The following SHQ1 variants were observed in gnomAD, a reference collection of about 807,000 sequenced individuals.
The protein encoded by SHQ1 is protein SHQ1 homolog.
Under a neutral mutation model 53.8 loss-of-function variants are expected in SHQ1, and 49 were observed. The ratio of observed to expected loss-of-function variants is 0.91; its 90% CI spans 0.72 to 1.16. The LOEUF is 1.16. Ranked by LOEUF, SHQ1 falls within the 50% of genes most tolerant of loss-of-function variation. The pLI, the probability that SHQ1 is intolerant of heterozygous loss-of-function variation, is 0.00. For missense variants in SHQ1, 738 were observed against 683.1 expected (o/e 1.08, Z -0.90); for synonymous variants, 243 against 251.0 (o/e 0.97, Z 0.30).
At chr3:72,736,826 C>T in the SHQ1 span, among the ~76,000 whole-genome samples, 1 of 148,744 alleles carries the variant, frequency 6.7e-6, no homozygotes, top group Non-Finnish European at 1.5e-5. Context: ...AAAAGATCCT[C>T]AGTTTGCAGG....
In SHQ1 at chr3:72,755,794, A is replaced by G. The variant is rs184099110; in HGVS notation, c.1182-4958T>C. On this transcript the variant is annotated intron_variant, in intron 10 of 10. Coordinates refer to ENST00000325599, the MANE Select transcript of SHQ1 (RefSeq NM_018130.3). Reference sequence around the variant, plus strand: ...AGAAAGCAGCTCACTTAAGGTAGGTAGTAGTTTTTCTCTGTCGTACTCAAA... The same window carrying G: ...AGAAAGCAGCTCACTTAAGGTAGGTGGTAGTTTTTCTCTGTCGTACTCAAA... 2.7e-3 allele frequency among the ~76,000 whole-genome samples: 412 copies of G among 152,358 alleles called. 2 individuals are homozygous for G. Among genetic ancestry groups the G allele is most frequent in the Non-Finnish European group, 4.9e-3 (336 of 68,042 alleles).
At chr3:72,804,323 G>A (rs1053279663) in intron 9 of SHQ1, among the ~76,000 whole-genome samples, 1 of 152,010 alleles carries the variant, frequency 6.6e-6, no homozygotes, top group African/African-American at 2.4e-5. Context: ...AGGTATGTGT[G>A]TCATGGTGGT....
At chr3:72,765,546 TA>T (rs1705703989) in intron 10 of SHQ1, among the ~76,000 whole-genome samples, 7 of 98,502 alleles carry the variant, frequency 7.1e-5, no homozygotes, top group African/African-American at 3.8e-4. Context: ...TATATATATA[TA>T]TATATATATA....
chr3:72,777,466 G>A (rs1705982303), intron 10 of SHQ1, among the ~76,000 whole-genome samples: 1 of 152,132 alleles, frequency 6.6e-6, no homozygotes, highest in South Asian at 2.1e-4. Flanking sequence ...CTAGTAATTA[G>A]GAAAATGCAA....
At chr3:72,810,337 T>C (rs985211755) in intron 9 of SHQ1, among the ~76,000 whole-genome samples, 3 of 152,180 alleles carry the variant, frequency 2.0e-5, no homozygotes, top group Non-Finnish European at 4.4e-5. Flanking sequence ...AATGCAAACC[T>C]GAAAAGAGCC....
At chr3:72,778,566 T>C (rs1706007063) in intron 10 of SHQ1, among the ~76,000 whole-genome samples, 1 of 152,256 alleles carries the variant, frequency 6.6e-6, no homozygotes, top group African/African-American at 2.4e-5. Context: ...TTGCATAATT[T>C]GTATACACTT....
At position 72,812,786 on chromosome 3, in the gene SHQ1, A is replaced by G; in HGVS notation, c.945T>C (p.Thr315=). The change falls in exon 9 of 11, where the codon ACT becomes ACC. Residue 315 remains threonine (T), a synonymous_variant. Transcript: ENST00000325599. ...SPTLCWFETW[T]NVHDIMVSFG... is the part of the protein sequence containing the mutation. Reference sequence around the variant, plus strand: ...AAGACACCATGATATCATGAACGTTAGTCCAAGTCTGTGAAGTGTCATTTT... The same window carrying G: ...AAGACACCATGATATCATGAACGTTGGTCCAAGTCTGTGAAGTGTCATTTT... The G allele has an allele frequency of 1.9e-6, 3 of 1,614,024 alleles. No homozygotes were observed. The highest frequency in any genetic ancestry group is 2.5e-6 in the Non-Finnish European group (3 of 1,179,958).
chr3:72,793,114 A>G (rs541820371), intron 9 of SHQ1, 78 bp from the exon 10 acceptor site: 1 of 1,276,640 alleles, frequency 7.8e-7, no homozygotes, highest in African/African-American at 1.5e-5. Context: ...TATCTAAAGC[A>G]GCTCAGAATC....
intron 9 of SHQ1, among the ~76,000 whole-genome samples, chr3:72,801,217 T>C (rs1341032916): frequency 6.6e-6 from 1 of 152,160 alleles, no homozygotes; most frequent in East Asian, 1.9e-4. Flanking sequence ...AAAAAGCTCT[T>C]TGAAACAGCT....
chr3:72,845,996 T>C (rs947814682), intron 1 of SHQ1, among the ~76,000 whole-genome samples: 5 of 152,200 alleles, frequency 3.3e-5, no homozygotes, highest in African/African-American at 4.8e-5. Context: ...ACAAGTTAAT[T>C]ATTCTTCAAG....
the SHQ1 span, among the ~76,000 whole-genome samples, chr3:72,742,013 T>G: frequency 6.6e-6 from 1 of 151,912 alleles, no homozygotes; most frequent in East Asian, 1.9e-4. Context: ...TCTGAGGAAG[T>G]CCTGGAACCA....
intron 1 of SHQ1, chr3:72,846,501 T>C: frequency 5.5e-6 from 3 of 549,550 alleles, no homozygotes; most frequent in Non-Finnish European, 9.6e-6. Context: ...TTTAACCATG[T>C]TGGTCAGGCC....
At chr3:72,829,401 T>C (rs1016473047) in intron 5 of SHQ1, among the ~76,000 whole-genome samples, 1 of 152,236 alleles carries the variant, frequency 6.6e-6, no homozygotes, top group Non-Finnish European at 1.5e-5. Flanking sequence ...GGAAGCCCCA[T>C]GGACAACACA....
chr3:72,755,483 A>G (rs560923639), intron 10 of SHQ1, among the ~76,000 whole-genome samples: 1 of 152,372 alleles, frequency 6.6e-6, no homozygotes, highest in South Asian at 2.1e-4. Context: ...ATTCTTAAAG[A>G]ATGCTAGGAT....
chr3:72,793,758 A>G (rs958283047), intron 9 of SHQ1: 3 of 152,348 alleles, frequency 2.0e-5, no homozygotes, highest in Non-Finnish European at 4.4e-5. Context: ...TCTTATGTCA[A>G]CATTTTCTGT....
At chr3:72,793,738 CTTCT>C (rs1373114308) in intron 9 of SHQ1, 3 of 152,246 alleles carry the variant, frequency 2.0e-5, no homozygotes, top group South Asian at 2.1e-4. Flanking sequence ...AAATTTCAAA[CTTCT>C]TTATTTCTTA....
chr3:72,751,476 ATGTGTGTGTGTGTGTGTG>A (rs372032784), intron 10 of SHQ1, among the ~76,000 whole-genome samples: 1 of 109,640 alleles, frequency 9.1e-6, no homozygotes, highest in Non-Finnish European at 1.7e-5. Context: ...ATAAGCACAT[ATGTGTGTGTGTGTGTGTG>A]TGTGTGTGTG....
chr3:72,735,072 T>G, the SHQ1 span, among the ~76,000 whole-genome samples: 2 of 151,702 alleles, frequency 1.3e-5, no homozygotes, highest in Non-Finnish European at 2.9e-5. Context: ...GTTTTAAGCT[T>G]GGGCAATATT....
intron 10 of SHQ1, among the ~76,000 whole-genome samples, chr3:72,757,063 T>G (rs1007377460): frequency 7.9e-5 from 12 of 152,242 alleles, no homozygotes; most frequent in African/African-American, 2.9e-4. Context: ...GCATACATCC[T>G]GTTTTTTTGC....
Sources: gnomAD v4.1 joint callset for allele counts (sites outside exome capture counted in the v4.1 genomes callset) on GRCh38, gnomAD v4.1.1 for gene constraint, MANE v1.5 for transcripts, NCBI Gene and HGNC (gene_info 2026-07-23, HGNC 2026-07-21) for gene names.